COL24A1: variants seen among roughly 807,000 people sequenced by gnomAD.
The protein encoded by COL24A1 is collagen alpha-1(XXIV) chain.
Under a neutral mutation model 253.9 loss-of-function variants are expected in COL24A1, and 224 were observed. The observed-to-expected ratio is 0.88, with a 90% confidence interval of 0.79 to 0.99. The LOEUF (loss-of-function observed/expected upper bound fraction) is 0.99, where lower values mean the gene tolerates loss of function less well. Among genes scored for constraint, COL24A1 ranks in the 50% least tolerant of loss-of-function variants. The pLI, the probability that COL24A1 is intolerant of heterozygous loss-of-function variation, is 0.00. For synonymous variants in COL24A1, 685 were observed against 673.7 expected (o/e 1.02, Z -0.26); for missense variants, 2,131 against 2,068.5 (o/e 1.03, Z -0.59).
At chr1:85,843,313 A>G (rs17128400) in intron 39 of COL24A1, among the ~76,000 whole-genome samples, 3,236 of 152,274 alleles carry the variant, frequency 0.021, 121 homozygotes, top group African/African-American at 0.074. Flanking sequence ...ACTCATCCAG[A>G]TAAGAACAAG....
intron 7 of COL24A1, among the ~76,000 whole-genome samples, chr1:86,070,066 A>G (rs998396808): frequency 2.6e-5 from 4 of 152,230 alleles, no homozygotes; most frequent in South Asian, 2.1e-4. Context: ...AGGAAACCCA[A>G]AGAAATTCAA....
rs1043133935 is a variant in COL24A1 at position 85,965,138 on chromosome 1, T to G, written c.2464-76A>C. 4 of 1,127,526 alleles carry G rather than the reference T, an allele frequency of 3.5e-6. No homozygotes were observed. The East Asian group carries it at 7.3e-5, about 20-fold the overall frequency. The allele number at this position is 1,127,526 out of a possible 1,614,324, so 69.8% of individuals were successfully genotyped here. On this transcript the variant is annotated intron_variant, in intron 22 of 59. Transcript: ENST00000370571. ...ATTTTTGAAAGTTTCCTAAGATATA[T>G]GAAATTTAGACTATTCTTATAAATT...
intron 5 of COL24A1, among the ~76,000 whole-genome samples, chr1:86,095,986 A>G (rs1703867038): frequency 6.6e-6 from 1 of 152,092 alleles, no homozygotes; most frequent in South Asian, 2.1e-4. Context: ...TTTATCTTAG[A>G]TTAGCATCTG....
intron 24 of COL24A1, among the ~76,000 whole-genome samples, chr1:85,926,375 C>T (rs572505672): frequency 1.8e-4 from 27 of 152,276 alleles, no homozygotes; most frequent in African/African-American, 6.0e-4. Context: ...CACATGCACA[C>T]GTATGTTTAT....
At chr1:86,003,716 T>C (rs969078524) in intron 19 of COL24A1, among the ~76,000 whole-genome samples, 2 of 152,014 alleles carry the variant, frequency 1.3e-5, no homozygotes, top group Non-Finnish European at 2.9e-5. Context: ...TGACCTGAAG[T>C]GAGGATATAT....
At chr1:85,809,223 G>GCCC (rs1672290679) in intron 47 of COL24A1, among the ~76,000 whole-genome samples, 4 of 152,126 alleles carry the variant, frequency 2.6e-5, no homozygotes, top group African/African-American at 9.7e-5. Context: ...TGAGCAGCAA[G>GCCC]GAATTAGAGA....
At chr1:86,131,855 A>C (rs1649271984) in intron 2 of COL24A1, among the ~76,000 whole-genome samples, 1 of 152,200 alleles carries the variant, frequency 6.6e-6, no homozygotes, top group South Asian at 2.1e-4. Context: ...AGCATGATTT[A>C]TAATCTTTTG....
At chr1:85,816,502 T>G (rs1279638509) in intron 47 of COL24A1, among the ~76,000 whole-genome samples, 1 of 152,226 alleles carries the variant, frequency 6.6e-6, no homozygotes, top group African/African-American at 2.4e-5. Flanking sequence ...GGTTGTGTAG[T>G]CCTTAAGCTT....
At chr1:85,793,457 A>AAG (rs905219137) in intron 47 of COL24A1, among the ~76,000 whole-genome samples, 1 of 151,328 alleles carries the variant, frequency 6.6e-6, no homozygotes, top group African/African-American at 2.4e-5. Flanking sequence ...AAGAGAAGGA[A>AAG]AGAGAGAGAG....
Position 85,938,090 on chromosome 1 carries a change from G to A in COL24A1, c.2562+23159C>T, listed in dbSNP as rs2103147776. Among the ~76,000 whole-genome samples the A allele has an allele frequency of 1.4e-5, 2 of 147,656 alleles. 1 individual carries two copies. The highest frequency in any genetic ancestry group is 7.0e-3 in the Middle Eastern group (2 of 284). ...AGGTACAAACTAAAGTGCCAGCTAG[G>A]AGGTGATGCTTTATGAGGATGAGGC... On this transcript the variant is annotated intron_variant, in intron 24 of 59. Transcript: ENST00000370571.
intron 2 of COL24A1, among the ~76,000 whole-genome samples, chr1:86,144,230 A>G (rs1249811013): frequency 6.6e-6 from 1 of 152,092 alleles, no homozygotes; most frequent in Non-Finnish European, 1.5e-5. Context: ...TCCATAAATG[A>G]GATCTTAAGG....
intron 43 of COL24A1, among the ~76,000 whole-genome samples, chr1:85,834,224 G>T (rs977510429): frequency 6.6e-6 from 1 of 152,004 alleles, no homozygotes; most frequent in Non-Finnish European, 1.5e-5. Context: ...AAAAGAAGTG[G>T]CTGACTGTGA....
chr1:85,840,605 A>G (rs1021435616), intron 42 of COL24A1, among the ~76,000 whole-genome samples: 84 of 152,250 alleles, frequency 5.5e-4, no homozygotes, highest in Non-Finnish European at 2.8e-4. Context: ...TTTTCATTTA[A>G]TCCATTTAAT....
intron 7 of COL24A1, among the ~76,000 whole-genome samples, chr1:86,074,245 T>C (rs1702083711): frequency 6.6e-6 from 1 of 151,794 alleles, no homozygotes; most frequent in Non-Finnish European, 1.5e-5. Context: ...ACACATAGGC[T>C]CAAAATAAAG....
chr1:85,923,848 C>T (rs1175929503), intron 24 of COL24A1, among the ~76,000 whole-genome samples: 1 of 151,830 alleles, frequency 6.6e-6, no homozygotes, highest in Non-Finnish European at 1.5e-5. Flanking sequence ...GATGGAGACA[C>T]AAAAACCCTT....
intron 20 of COL24A1, among the ~76,000 whole-genome samples, chr1:85,982,194 C>G (rs1693320086): frequency 6.6e-6 from 1 of 152,020 alleles, no homozygotes; most frequent in Non-Finnish European, 1.5e-5. Flanking sequence ...ATAATTCCAT[C>G]TATAGGCGGT....
At chr1:85,947,902 A>G (rs1689484720) in intron 24 of COL24A1, among the ~76,000 whole-genome samples, 1 of 151,732 alleles carries the variant, frequency 6.6e-6, no homozygotes. Flanking sequence ...CATGTATGCT[A>G]TAAGAATTTA....
chr1:85,992,493 T>C (rs1367813466), intron 19 of COL24A1, among the ~76,000 whole-genome samples: 1 of 152,170 alleles, frequency 6.6e-6, no homozygotes, highest in African/African-American at 2.4e-5. Flanking sequence ...ACATTAATGA[T>C]AACGTACCTA....
chr1:85,978,660 C>T (rs1202661825), intron 20 of COL24A1, among the ~76,000 whole-genome samples: 2 of 152,044 alleles, frequency 1.3e-5, no homozygotes, highest in Non-Finnish European at 2.9e-5. Context: ...AATATATATG[C>T]ACCTAACACT....
Sources: gnomAD v4.1 joint callset for allele counts (sites outside exome capture counted in the v4.1 genomes callset) on GRCh38, gnomAD v4.1.1 for gene constraint, MANE v1.5 for transcripts, NCBI Gene and HGNC (gene_info 2026-07-23, HGNC 2026-07-21) for gene names.